The following FBXO31 variants were observed in gnomAD, a reference collection of about 807,000 sequenced individuals.
The protein encoded by FBXO31 is F-box protein 31, also known as F-box only protein 31.
In FBXO31, 24 loss-of-function variants were observed where a neutral mutation model predicts 54.4. That is an observed-to-expected ratio of 0.44 (90% CI 0.32 to 0.62). The LOEUF (loss-of-function observed/expected upper bound fraction) is 0.62, where lower values mean the gene tolerates loss of function less well. Ranked by LOEUF, FBXO31 falls within the 20% of genes least tolerant of loss-of-function variation. The pLI, the probability that FBXO31 is intolerant of heterozygous loss-of-function variation, is 0.05. For synonymous variants in FBXO31, 388 were observed against 335.6 expected (o/e 1.16, Z -1.71); for missense variants, 665 against 787.1 (o/e 0.84, Z 1.86).
intron 2 of FBXO31, among the ~76,000 whole-genome samples, chr16:87,355,308 T>G (rs1395219375): frequency 6.6e-6 from 1 of 152,140 alleles, no homozygotes; most frequent in Non-Finnish European, 1.5e-5. Flanking sequence ...GGCCCCAAAA[T>G]ACTCAGAAGC....
chr16:87,384,604 T>C (rs1218760982), upstream of FBXO31, among the ~76,000 whole-genome samples: 3 of 152,160 alleles, frequency 2.0e-5, no homozygotes, highest in African/African-American at 7.2e-5. Context: ...GAAGGCGTCC[T>C]CTCACCTGAG....
In FBXO31 at chr16:87,333,895, C is replaced by A; in HGVS notation, c.1388G>T (p.Cys463Phe). The change falls in exon 8 of 9, where the codon TGC (cysteine) becomes TTC (phenylalanine). Residue 463 changes from cysteine (C) to phenylalanine (F), a missense_variant. Around this residue, in one of 4 missense-constraint regions of FBXO31, gnomAD observed 165 missense variants for 159.7 expected, o/e 1.03. Transcript: ENST00000311635. The part of the protein sequence containing the change: ...SSRNEDYPRT[C>F]RMCFYGTGLI... ...CCCGCCGCATCCTTACCACATCCTG[C>A]AGGTTCGGGGGTAGTCCTCATTCCT... The A allele has an allele frequency of 6.2e-7, 1 of 1,601,116 alleles. No homozygotes were observed. The highest frequency in any genetic ancestry group is 1.3e-5 in the African/African-American group (1 of 74,840).
At chr16:87,380,154 C>T (rs1907011181) in intron 1 of FBXO31, among the ~76,000 whole-genome samples, 2 of 151,470 alleles carry the variant, frequency 1.3e-5, no homozygotes, top group South Asian at 4.2e-4. Context: ...AAAAATTAGC[C>T]GGGCATAGTG....
intron 1 of FBXO31, among the ~76,000 whole-genome samples, chr16:87,381,250 ACT>A (rs1188570826): frequency 3.3e-5 from 5 of 152,172 alleles, no homozygotes; most frequent in Non-Finnish European, 5.9e-5. Context: ...AAAAATAGAC[ACT>A]CTAAGAGAAA....
chr16:87,334,005 C>T lies in FBXO31; in HGVS notation c.1278G>A (p.Glu426=). ...PDGTPGEDGG[E]PGDAVAAAEQ... is the part of the protein sequence containing the mutation. ...CGGCCGCAGCTACGGCATCCCCAGG[C>T]TCGCCACCATCCTCACCAGGTGTCC... The change falls in exon 8 of 9, where the codon GAG becomes GAA. Residue 426 remains glutamate, a synonymous_variant. Coordinates refer to ENST00000311635, the MANE Select transcript of FBXO31 (RefSeq NM_024735.5). The T allele has an allele frequency of 1.9e-6, 3 of 1,612,824 alleles. No individual in the cohort carries two copies. The highest frequency in any genetic ancestry group is 2.5e-6 in the Non-Finnish European group (3 of 1,179,806).
chr16:87,378,071 A>T (rs906354094), intron 1 of FBXO31, among the ~76,000 whole-genome samples: 2 of 151,950 alleles, frequency 1.3e-5, no homozygotes, highest in African/African-American at 4.8e-5. Context: ...AGGCAGGAGA[A>T]CTGCTTGAAC....
chr16:87,331,271 G>T lies in FBXO31; in HGVS notation c.*17C>A. On this transcript the variant is annotated 3_prime_UTR_variant, in exon 9 of 9. Transcript: ENST00000311635. The stretch of plus-strand genomic sequence containing the variant: ...GCCCCAGAGCCACCCGGGATGTGGC[G>T]GCAAGGATGTGGCCGGTCAGGAGGT... 1 of 1,608,590 alleles carries T rather than the reference G, an allele frequency of 6.2e-7. No homozygotes were observed. The highest frequency in any genetic ancestry group is 1.1e-5 in the South Asian group (1 of 90,908).
intron 1 of FBXO31, among the ~76,000 whole-genome samples, chr16:87,378,252 G>C (rs1253080964): frequency 2.0e-5 from 3 of 151,528 alleles, no homozygotes; most frequent in African/African-American, 7.3e-5. Flanking sequence ...AAAAATGAAA[G>C]ATAAATAAAA....
At chr16:87,340,341 G>C (rs899837567) in intron 5 of FBXO31, among the ~76,000 whole-genome samples, 3 of 152,230 alleles carry the variant, frequency 2.0e-5, no homozygotes, top group African/African-American at 7.2e-5. Flanking sequence ...CATGTGGACA[G>C]ACATATGGAT....
intron 2 of FBXO31, among the ~76,000 whole-genome samples, chr16:87,356,452 C>G (rs1274754387): frequency 6.6e-6 from 1 of 152,066 alleles, no homozygotes; most frequent in African/African-American, 2.4e-5. Context: ...CCCCGTGTTC[C>G]CCGTCCACAG....
At chr16:87,384,065 C>T (rs1162111633), upstream of FBXO31, 4 of 170,192 alleles carry the variant, frequency 2.4e-5, no homozygotes, top group Non-Finnish European at 3.7e-5. Flanking sequence ...GATTATGAGA[C>T]TGACGCGCTG....
At chr16:87,343,041 C>G (rs1905241384) in intron 4 of FBXO31, 90 bp from the exon 5 acceptor site, 1 of 1,102,336 alleles carries the variant, frequency 9.1e-7, no homozygotes. Flanking sequence ...CACGACCCCT[C>G]CCTCACCACA....
chr16:87,343,528 G>T, intron 4 of FBXO31, 70 bp downstream of exon 4: 1 of 1,522,108 alleles, frequency 6.6e-7, no homozygotes, highest in South Asian at 1.2e-5. Context: ...GAATAGCACG[G>T]CAGGCCTGGC....
rs1343848997 is a variant in FBXO31, at chr16:87,346,610, C to T, written c.489+564G>A. Among the ~76,000 whole-genome samples, 1 of 152,246 alleles carries T rather than the reference C, an allele frequency of 6.6e-6. No individual in the cohort carries two copies. Among genetic ancestry groups the T allele is most frequent in the African/African-American group, 2.4e-5 (1 of 41,462 alleles). ...GCCGGGAGAAGGGAAACGGAGACGA[C>T]TCTGCCACCAGCCTGGACTTCCGCC... On this transcript the variant is annotated intron_variant, in intron 3 of 8. Transcript: ENST00000311635. The surrounding 1 kb of genome is among the most constrained non-coding windows in gnomAD (Gnocchi z 4.2).
intron 1 of FBXO31, among the ~76,000 whole-genome samples, chr16:87,372,630 A>G (rs1906651114): frequency 6.6e-6 from 1 of 151,958 alleles, no homozygotes; most frequent in African/African-American, 2.4e-5. Flanking sequence ...GTAAGATCGC[A>G]GGTCACTGCA....
At position 87,383,762 on chromosome 16, in the gene FBXO31, A is replaced by G. The variant is rs1236939794; in HGVS notation, c.-18T>C. On this transcript the variant is annotated 5_prime_UTR_variant, in exon 1 of 9. Transcript: ENST00000311635. The surrounding 1 kb of genome is among the most constrained non-coding windows in gnomAD (Gnocchi z 4.9). Reference sequence around the variant, plus strand: ...ACCGCCATGCCGCCCAGTGACGGCCACTGCTGCCGCCTGTGCGCACGCTCC... The same window carrying G: ...ACCGCCATGCCGCCCAGTGACGGCCGCTGCTGCCGCCTGTGCGCACGCTCC... The G allele has an allele frequency of 3.3e-5, 39 of 1,192,084 alleles. No homozygotes were observed. The highest frequency in any genetic ancestry group is 3.8e-5 in the Non-Finnish European group (37 of 964,372). The allele number at this position is 1,192,084 out of a possible 1,614,324, so 73.8% of individuals were successfully genotyped here. A position where few individuals can be genotyped will look rare whatever the true frequency, so the allele number is the denominator to read the frequency against.
chr16:87,384,927 C>A (rs1450199518), upstream of FBXO31, among the ~76,000 whole-genome samples: 4 of 152,162 alleles, frequency 2.6e-5, no homozygotes, highest in East Asian at 3.9e-4. Context: ...GTAATCCCAG[C>A]ACTTTGGGAG....
intron 1 of FBXO31, among the ~76,000 whole-genome samples, chr16:87,377,376 G>C (rs1906869515): frequency 6.6e-6 from 1 of 152,152 alleles, no homozygotes; most frequent in African/African-American, 2.4e-5. Flanking sequence ...CGCCGGAGAA[G>C]TCAAGGCCAC....
Position 87,336,139 on chromosome 16 carries a change from C to A in FBXO31, c.842+16G>T. ...AGGAGAGGGCTACCCCAGCACCGAG[C>A]AGGAGCCGCACTCACTCGTACTGAC... On this transcript the variant is annotated intron_variant, in intron 6 of 8. Transcript: ENST00000311635. The surrounding 1 kb of genome is among the most constrained non-coding windows in gnomAD (Gnocchi z 6.5). 6.2e-7 allele frequency: 1 copy of A among 1,607,478 alleles called. No individual in the cohort carries two copies. Among genetic ancestry groups the A allele is most frequent in the Non-Finnish European group, 8.5e-7 (1 of 1,174,088 alleles).
Sources: gnomAD v4.1 joint callset for allele counts (sites outside exome capture counted in the v4.1 genomes callset) on GRCh38, gnomAD v4.1.1 for gene constraint, gnomAD v4.1.1 regional missense constraint, Gnocchi (gnomAD v3.1) non-coding constraint, MANE v1.5 for transcripts, NCBI Gene and HGNC (gene_info 2026-07-23, HGNC 2026-07-21) for gene names.